Variants in ZNF385D observed in about 807,000 individuals in gnomAD.
ZNF385D encodes the protein zinc finger protein 385D, also known as zinc finger protein 659.
Under a neutral mutation model 35.8 loss-of-function variants are expected in ZNF385D, and 15 were observed. That is an observed-to-expected ratio of 0.42 (90% confidence interval 0.28 to 0.64). The LOEUF (loss-of-function observed/expected upper bound fraction) is 0.64, where lower values mean the gene tolerates loss of function less well. Among genes scored for constraint, ZNF385D ranks in the 30% least tolerant of loss-of-function variants. The pLI, the probability that ZNF385D is intolerant of heterozygous loss-of-function variation, is 0.23. For synonymous variants in ZNF385D, 212 were observed against 186.8 expected (o/e 1.13, Z -1.10); for missense variants, 474 against 494.6 (o/e 0.96, Z 0.39).
At chr3:21,786,182 T>C (rs1428840913) in intron 3 of ZNF385D, among the ~76,000 whole-genome samples, 3 of 152,184 alleles carry the variant, frequency 2.0e-5, no homozygotes, top group Non-Finnish European at 4.4e-5. Flanking sequence ...TCTTTGACAC[T>C]CCTTTTCTAG....
chr3:21,736,506 AACT>A (rs2069249244), intron 1 of ZNF385D, among the ~76,000 whole-genome samples: 1 of 152,248 alleles, frequency 6.6e-6, no homozygotes, highest in African/African-American at 2.4e-5. Context: ...TTGGTTTTAT[AACT>A]ACCTTCAGAG....
rs376316265 is a variant in ZNF385D, at chr3:21,442,158, T to A, written c.440-4955A>T. 1.1e-4 allele frequency among the ~76,000 whole-genome samples: 16 copies of A among 152,236 alleles called. 1 individual carries two copies. The highest frequency in any genetic ancestry group is 3.9e-4 in the African/African-American group (16 of 41,540). ...GCATAAGAAAGGATTCCAAAAAATATCAACACTTGAATTTTGGATAGTAAC... is the reference window on the plus strand; with the variant it reads ...GCATAAGAAAGGATTCCAAAAAATAACAACACTTGAATTTTGGATAGTAAC... On this transcript the variant is annotated intron_variant, in intron 4 of 7. Transcript: ENST00000281523.
chr3:21,730,784 T>C (rs759889241), intron 1 of ZNF385D, among the ~76,000 whole-genome samples: 16 of 152,270 alleles, frequency 1.1e-4, no homozygotes, highest in Non-Finnish European at 1.9e-4. Flanking sequence ...GGATTCTTTT[T>C]ATCCTTTTGG....
intron 7 of ZNF385D, 149 bp downstream of exon 7, chr3:21,423,814 T>A: frequency 1.5e-6 from 1 of 668,336 alleles, no homozygotes; most frequent in South Asian, 2.2e-5. Flanking sequence ...TTTTTCTCTT[T>A]TCCCTATGAT....
chr3:21,829,051 A>G (rs1018486096), intron 3 of ZNF385D, among the ~76,000 whole-genome samples: 14 of 152,210 alleles, frequency 9.2e-5, no homozygotes, highest in Non-Finnish European at 2.1e-4. Context: ...TCACATCTTC[A>G]AAGCCCCTGT....
chr3:21,814,107 T>G (rs868020418), intron 3 of ZNF385D, among the ~76,000 whole-genome samples: 3 of 152,226 alleles, frequency 2.0e-5, no homozygotes, highest in Admixed American at 6.5e-5. Flanking sequence ...CTAAGCTTCA[T>G]AAGTGAAGGA....
At chr3:21,885,742 G>C (rs28584425) in intron 3 of ZNF385D, among the ~76,000 whole-genome samples, 2 of 42,900 alleles carry the variant, frequency 4.7e-5, no homozygotes, top group Non-Finnish European at 9.4e-5. Context: ...GTCTGTGTCT[G>C]TGTGTGTGTG....
At position 21,442,666 on chromosome 3, in the gene ZNF385D, G is replaced by C. The variant is rs372447868; in HGVS notation, c.440-5463C>G. Among the ~76,000 whole-genome samples the C allele has an allele frequency of 2.5e-3, 327 of 130,208 alleles. 3 individuals carry two copies. Among genetic ancestry groups the C allele is most frequent in the African/African-American group, 0.011 (310 of 29,208 alleles). 85.4% of individuals were successfully genotyped at this position (130,208 alleles called of 152,430 possible). A position where few individuals can be genotyped will look rare whatever the true frequency, so the allele number is the denominator to read the frequency against. ...TGCTTAAAAGTCCCTTTATTTGTGG[G>C]CTTTTTTTTTTTTCTTGTAAAATAA... On this transcript the variant is annotated intron_variant, in intron 4 of 7. Coordinates refer to ENST00000281523, the MANE Select transcript of ZNF385D (RefSeq NM_024697.3).
At chr3:22,210,309 T>C (rs914785927) in intron 2 of ZNF385D, among the ~76,000 whole-genome samples, 1 of 151,854 alleles carries the variant, frequency 6.6e-6, no homozygotes, top group South Asian at 2.1e-4. Context: ...CTATTTTAGA[T>C]AGCATGAAAA....
At chr3:21,456,299 T>C (rs1248983495) in intron 4 of ZNF385D, among the ~76,000 whole-genome samples, 11 of 152,176 alleles carry the variant, frequency 7.2e-5, no homozygotes, top group African/African-American at 2.2e-4. Context: ...ATGTTTATTG[T>C]GGCACTATTC....
intron 1 of ZNF385D, among the ~76,000 whole-genome samples, chr3:21,744,154 T>C (rs59490542): frequency 0.16 from 24,275 of 152,214 alleles, 2,501 homozygotes; most frequent in East Asian, 0.39. Context: ...CAGTCATCTG[T>C]GGCTCAAATT....
At chr3:22,062,572 A>G (rs1817442) in intron 3 of ZNF385D, among the ~76,000 whole-genome samples, 1 of 151,920 alleles carries the variant, frequency 6.6e-6, no homozygotes. Flanking sequence ...CTACTTTAAA[A>G]TATTTAACAT....
Position 22,006,697 on chromosome 3 carries a change from T to C in ZNF385D, c.325+162120A>G, listed in dbSNP as rs1425713785. ...CCTTTATTTTTGGCAATACAGCATA[T>C]TACATTTGCTGAGAAGCTTTTTTTT... On this transcript the variant is annotated intron_variant, in intron 3 of 5. Coordinates refer to the ZNF385D transcript ENST00000494108. Among the ~76,000 whole-genome samples the C allele has an allele frequency of 3.9e-5, 6 of 152,008 alleles. No homozygotes were observed. In the East Asian group the frequency reaches 1.2e-3, roughly 29 times the overall value.
chr3:21,844,132 G>A (rs1198905070), intron 3 of ZNF385D, among the ~76,000 whole-genome samples: 1 of 151,938 alleles, frequency 6.6e-6, no homozygotes, highest in African/African-American at 2.4e-5. Flanking sequence ...ACTATCTTAT[G>A]TAATTTAACC....
At chr3:21,436,479 C>T (rs891359220) in intron 5 of ZNF385D, among the ~76,000 whole-genome samples, 5 of 152,016 alleles carry the variant, frequency 3.3e-5, no homozygotes, top group African/African-American at 1.2e-4. Context: ...TGAATGGGCA[C>T]ATAATAAACA....
At chr3:22,288,296 C>T (rs1017581784) in intron 2 of ZNF385D, among the ~76,000 whole-genome samples, 30 of 151,974 alleles carry the variant, frequency 2.0e-4, no homozygotes, top group Admixed American at 1.8e-3. Context: ...CCTTCTCAGT[C>T]TTGGCAAGTA....
chr3:21,834,822 C>T (rs1336255086), intron 3 of ZNF385D, among the ~76,000 whole-genome samples: 1 of 151,988 alleles, frequency 6.6e-6, no homozygotes, highest in Non-Finnish European at 1.5e-5. Context: ...AGTGAGTTCT[C>T]ACGACATCTG....
chr3:21,974,219 A>G (rs1361783691), intron 3 of ZNF385D, among the ~76,000 whole-genome samples: 1 of 152,094 alleles, frequency 6.6e-6, no homozygotes, highest in African/African-American at 2.4e-5. Flanking sequence ...CTGGCATATA[A>G]ACAGACATAT....
intron 4 of ZNF385D, among the ~76,000 whole-genome samples, chr3:21,481,315 T>C (rs562800665): frequency 6.6e-6 from 1 of 152,328 alleles, no homozygotes; most frequent in East Asian, 1.9e-4. Context: ...TGAAACTGCA[T>C]TGAACAATCT....
Sources: gnomAD v4.1 joint callset for allele counts (sites outside exome capture counted in the v4.1 genomes callset) on GRCh38, gnomAD v4.1.1 for gene constraint, MANE v1.5 for transcripts, NCBI Gene and HGNC (gene_info 2026-07-23, HGNC 2026-07-21) for gene names.